The following WIPF3 variants were observed in gnomAD, a reference collection of about 807,000 sequenced individuals.
WIPF3 encodes WAS/WASL-interacting protein family member 3.
WIPF3 carries 33 observed loss-of-function variants against 38.9 expected under a neutral mutation model. That is an observed-to-expected ratio of 0.85 (90% CI 0.64 to 1.14). The LOEUF is 1.14. Among genes scored for constraint, WIPF3 ranks in the 50% most tolerant of loss-of-function variants. The pLI is 0.00. For synonymous variants in WIPF3, 324 were observed against 269.3 expected (o/e 1.20, Z -1.99); for missense variants, 711 against 652.5 (o/e 1.09, Z -0.98).
intron 1 of WIPF3, among the ~76,000 whole-genome samples, chr7:29,820,347 C>G (rs1562770007): frequency 6.6e-6 from 1 of 151,900 alleles, no homozygotes; most frequent in African/African-American, 2.4e-5. Context: ...TGAATTTGGT[C>G]CAGTTTGAGG....
Position 29,810,992 on chromosome 7 carries a change from G to A in WIPF3, c.-58+4314G>A, listed in dbSNP as rs534957689. ...CTGCCTCCAACTCCCACACTCAAGTGATCCTCCCACCTCAGCCTCCTGAGG... is the reference window on the plus strand; with the variant it reads ...CTGCCTCCAACTCCCACACTCAAGTAATCCTCCCACCTCAGCCTCCTGAGG... On this transcript the variant is annotated intron_variant, in intron 1 of 8. Coordinates refer to ENST00000242140, the MANE Select transcript of WIPF3 (RefSeq NM_001080529.3). Among the ~76,000 whole-genome samples, 13 of 152,192 alleles carry A rather than the reference G, an allele frequency of 8.5e-5. No individual in the cohort carries two copies. The South Asian group carries it at 2.5e-3, about 29-fold the overall frequency.
chr7:29,854,555 T>G (rs1367245765), intron 2 of WIPF3, among the ~76,000 whole-genome samples: 1 of 152,194 alleles, frequency 6.6e-6, no homozygotes, highest in Non-Finnish European at 1.5e-5. Flanking sequence ...GTTTAACAGA[T>G]GACGAATCCC....
chr7:29,849,422 C>T (rs1251182948), intron 2 of WIPF3, among the ~76,000 whole-genome samples: 1 of 152,172 alleles, frequency 6.6e-6, no homozygotes, highest in Non-Finnish European at 1.5e-5. Context: ...TGCCCTTGTA[C>T]AAGGACATCT....
At chr7:29,883,096 G>A (rs917019926) in intron 4 of WIPF3, among the ~76,000 whole-genome samples, 1 of 152,180 alleles carries the variant, frequency 6.6e-6, no homozygotes, top group African/African-American at 2.4e-5. Context: ...AAAACCAAAC[G>A]CAAATGCTTA....
At chr7:29,850,064 G>T (rs1277041244) in intron 2 of WIPF3, among the ~76,000 whole-genome samples, 2 of 152,214 alleles carry the variant, frequency 1.3e-5, no homozygotes, top group African/African-American at 2.4e-5. Context: ...TCATTCATAT[G>T]CCTTTTGGGT....
chr7:29,828,315 T>C (rs950569490), intron 1 of WIPF3, among the ~76,000 whole-genome samples: 1 of 152,180 alleles, frequency 6.6e-6, no homozygotes, highest in African/African-American at 2.4e-5. Context: ...ATATAATTTT[T>C]TATTAAAAGA....
At chr7:29,863,017 A>G (rs1785322453) in intron 2 of WIPF3, among the ~76,000 whole-genome samples, 1 of 151,904 alleles carries the variant, frequency 6.6e-6, no homozygotes, top group Non-Finnish European at 1.5e-5. Context: ...TCTATCTTCC[A>G]TGTCCCAATT....
chr7:29,875,442 T>C (rs1785569972), intron 2 of WIPF3, among the ~76,000 whole-genome samples: 1 of 152,032 alleles, frequency 6.6e-6, no homozygotes, highest in African/African-American at 2.4e-5. Flanking sequence ...AAGGATTTGG[T>C]CCAGGAGGGG....
At chr7:29,883,797 G>T in intron 4 of WIPF3, 53 bp from the exon 5 acceptor site, 15 of 1,506,056 alleles carry the variant, frequency 1.0e-5, no homozygotes, top group Non-Finnish European at 1.3e-5. Flanking sequence ...CTACCTGCGG[G>T]GGCTTTCTCC....
chr7:29,881,959 G>A (rs372429741), intron 4 of WIPF3, among the ~76,000 whole-genome samples: 8 of 152,144 alleles, frequency 5.3e-5, no homozygotes, highest in African/African-American at 1.2e-4. Context: ...CAACTCCCTC[G>A]GAGCTCTCTG....
At position 29,894,284 on chromosome 7, in the gene WIPF3, C is replaced by T. The variant is rs535401303; in HGVS notation, c.1351+4877C>T. 8.5e-5 allele frequency among the ~76,000 whole-genome samples: 13 copies of T among 152,320 alleles called. No individual in the cohort carries two copies. In the East Asian group the frequency reaches 2.5e-3, roughly 29 times the overall value. On this transcript the variant is annotated intron_variant, in intron 7 of 8. Transcript: ENST00000242140. Reference sequence around the variant, plus strand: ...GAAGAGAAGAAAAGCTACACCCCCTCACTGCACACAGCTTGCCAGGAGGGT... The same window carrying T: ...GAAGAGAAGAAAAGCTACACCCCCTTACTGCACACAGCTTGCCAGGAGGGT...
intron 2 of WIPF3, among the ~76,000 whole-genome samples, chr7:29,855,960 A>AG (rs1489422763): frequency 6.6e-6 from 1 of 152,216 alleles, no homozygotes; most frequent in Non-Finnish European, 1.5e-5. Flanking sequence ...TCTGAAATTC[A>AG]GATTTAACTG....
chr7:29,808,633 G>T (rs1053385058), intron 1 of WIPF3, among the ~76,000 whole-genome samples: 1 of 152,078 alleles, frequency 6.6e-6, no homozygotes, highest in South Asian at 2.1e-4. Context: ...TCACGTAATT[G>T]TGAGTGTGAC....
intron 2 of WIPF3, among the ~76,000 whole-genome samples, chr7:29,842,505 C>T (rs973111158): frequency 1.3e-5 from 2 of 152,198 alleles, no homozygotes; most frequent in Non-Finnish European, 2.9e-5. Flanking sequence ...AGAGTCTTTG[C>T]TTTCAGGAAA....
intron 5 of WIPF3, among the ~76,000 whole-genome samples, chr7:29,886,738 C>T (rs1785890827): frequency 6.6e-6 from 1 of 152,044 alleles, no homozygotes; most frequent in Admixed American, 6.6e-5. Flanking sequence ...ACTCACACCA[C>T]TTGGGTTTGT....
intron 7 of WIPF3, among the ~76,000 whole-genome samples, chr7:29,900,509 T>G (rs1786253500): frequency 6.6e-6 from 1 of 151,722 alleles, no homozygotes; most frequent in Non-Finnish European, 1.5e-5. Context: ...GGAGAGGAGG[T>G]TGAGGAAGGA....
rs187427255 is a variant in WIPF3 at position 29,911,742 on chromosome 7, G to A, written c.1429-2751G>A. Reference sequence around the variant, plus strand: ...ACTGGATATCCCCACATAGAAGAATGAAGTTGGACCCCTTCTAATATCATG... The same window carrying A: ...ACTGGATATCCCCACATAGAAGAATAAAGTTGGACCCCTTCTAATATCATG... On this transcript the variant is annotated intron_variant, in intron 8 of 8. Transcript: ENST00000242140. Among the ~76,000 whole-genome samples, 161 of 152,278 alleles carry A rather than the reference G, an allele frequency of 1.1e-3. 1 individual carries two copies. Among genetic ancestry groups the A allele is most frequent in the African/African-American group, 3.7e-3 (154 of 41,568 alleles).
At chr7:29,810,981 C>G (rs981512835) in intron 1 of WIPF3, among the ~76,000 whole-genome samples, 4 of 152,152 alleles carry the variant, frequency 2.6e-5, no homozygotes, top group East Asian at 3.9e-4. Context: ...CTCCAACTCC[C>G]ACACTCAAGT....
rs145775876 is a variant in WIPF3, at chr7:29,897,698, A to G, written c.1352-6588A>G. Among the ~76,000 whole-genome samples the G allele has an allele frequency of 2.0e-5, 3 of 152,352 alleles. No individual in the cohort carries two copies. The East Asian group carries it at 5.8e-4, about 29-fold the overall frequency. On this transcript the variant is annotated intron_variant, in intron 7 of 8. Coordinates refer to ENST00000242140, the MANE Select transcript of WIPF3 (RefSeq NM_001080529.3). ...TAGTTCATGTCATAAAAATTAAAGA[A>G]TTAGATGTCCCAAGACAGAGAACAA...
Sources: gnomAD v4.1 joint callset for allele counts (sites outside exome capture counted in the v4.1 genomes callset) on GRCh38, gnomAD v4.1.1 for gene constraint, MANE v1.5 for transcripts, NCBI Gene and HGNC (gene_info 2026-07-23, HGNC 2026-07-21) for gene names.